Variants in TFEB observed in about 807,000 individuals in gnomAD.
The protein encoded by TFEB is transcription factor EB, also known as T-cell transcription factor EB.
TFEB carries 12 observed loss-of-function variants against 48.0 expected under a neutral mutation model. That is an observed-to-expected ratio of 0.25 (90% confidence interval 0.16 to 0.40). The LOEUF is 0.40. Ranked by LOEUF, TFEB falls within the 10% of genes least tolerant of loss-of-function variation. The pLI is 1.00. For synonymous variants in TFEB, 244 were observed against 261.4 expected, an observed-to-expected ratio of 0.93 and a Z score of 0.64; for missense variants, 509 against 640.3, an observed-to-expected ratio of 0.79 and a Z score of 2.21.
chr6:41,702,111 C>T (rs1769962227), intron 1 of TFEB, among the ~76,000 whole-genome samples: 1 of 152,066 alleles, frequency 6.6e-6, no homozygotes, highest in African/African-American at 2.4e-5. Context: ...ATGTAGATGG[C>T]TTGTTGTCCC....
Position 41,684,556 on chromosome 6 carries a change from C to G in TFEB, c.*43G>C. Reference sequence around the variant, plus strand: ...AGGGAGGTGCCCCTGGCCCTCCCAGCCCCCAGGCCGGCCCCTGTTCCCTGG... The same window carrying G: ...AGGGAGGTGCCCCTGGCCCTCCCAGGCCCCAGGCCGGCCCCTGTTCCCTGG... On this transcript the variant is annotated 3_prime_UTR_variant, in exon 9 of 9. Coordinates refer to ENST00000373033, the MANE Select transcript of TFEB (RefSeq NM_001271944.2). 6.7e-7 allele frequency: 1 copy of G among 1,503,164 alleles called. No individual in the cohort carries two copies. The highest frequency in any genetic ancestry group is 8.9e-7 in the Non-Finnish European group (1 of 1,128,184). 93.1% of individuals were successfully genotyped at this position (1,503,164 alleles called of 1,614,324 possible).
chr6:41,725,488 G>A (rs747475636), intron 1 of TFEB, among the ~76,000 whole-genome samples: 4 of 152,162 alleles, frequency 2.6e-5, no homozygotes, highest in Non-Finnish European at 5.9e-5. Context: ...CTGTGGTTCA[G>A]TACCCTCTGG....
chr6:41,724,842 C>T lies in TFEB; in HGVS notation c.-23+10508G>A, dbSNP rs940433758. Among the ~76,000 whole-genome samples the T allele has an allele frequency of 2.0e-5, 3 of 152,184 alleles. No homozygotes were observed. Among genetic ancestry groups the T allele is most frequent in the Non-Finnish European group, 2.9e-5 (2 of 68,032 alleles). On this transcript the variant is annotated intron_variant, in intron 1 of 8. Transcript: ENST00000373033. This position sits in a 1 kb window ranked among gnomAD's most constrained non-coding sequence, Gnocchi z 4.4. ...GGGAAGCGCCTCACAGCCCCTGCAG[C>T]AGCACGAACCAGGACTGAGGTTCAC...
rs532284511 is a variant in TFEB, at chr6:41,687,711, C to T, written c.727+42G>A. On this transcript the variant is annotated intron_variant, in intron 6 of 8. Coordinates refer to ENST00000373033, the MANE Select transcript of TFEB (RefSeq NM_001271944.2). ...GCTTTTTAGCCAGCCCAGGTGAGAACAAGGAAGAGGGAGGCAGGGAGAGGG... is the reference window on the plus strand; with the variant it reads ...GCTTTTTAGCCAGCCCAGGTGAGAATAAGGAAGAGGGAGGCAGGGAGAGGG... 26 of 1,613,294 alleles carry T rather than the reference C, an allele frequency of 1.6e-5. No individual in the cohort carries two copies. The East Asian group carries it at 5.3e-4, about 33-fold the overall frequency.
Position 41,693,126 on chromosome 6 carries a change from G to A in TFEB, c.-22-1891C>T, listed in dbSNP as rs567590551. Among the ~76,000 whole-genome samples, 7 of 152,304 alleles carry A rather than the reference G, an allele frequency of 4.6e-5. No homozygotes were observed. The East Asian group carries it at 1.3e-3, about 29-fold the overall frequency. On this transcript the variant is annotated intron_variant, in intron 1 of 8. Transcript: ENST00000373033. ...AGTGTGGACCAGAAGCCAGAGCTGT[G>A]TCTCAAGCTCCTAACAATGAGGCCC... is the stretch of plus-strand genomic sequence containing the variant.
intron 1 of TFEB, among the ~76,000 whole-genome samples, chr6:41,708,945 T>G (rs894398643): frequency 1.4e-4 from 21 of 152,088 alleles, no homozygotes; most frequent in Middle Eastern, 6.3e-3. Flanking sequence ...AGAGCTGGGA[T>G]GGTAGAGAGA....
chr6:41,687,984 G>A lies in TFEB; in HGVS notation c.594C>T (p.Pro198=). Residue 198 remains proline (P), a synonymous_variant, in exon 5 of 9, where the codon CCC becomes CCT. Coordinates refer to ENST00000373033, the MANE Select transcript of TFEB (RefSeq NM_001271944.2). ...CGCCCACCAGGGAGGCTGTGACCTG[G>A]GGGTCGCTGCTGTACACATTCAGGT... ...SSHLNVYSSD[P]QVTASLVGVT... The A allele has an allele frequency of 1.2e-6, 2 of 1,613,938 alleles. No homozygotes were observed. The highest frequency in any genetic ancestry group is 1.7e-4 in the Middle Eastern group (1 of 5,972).
intron 1 of TFEB, among the ~76,000 whole-genome samples, chr6:41,714,175 G>GTGTGTGTGCATGTGCATGCA (rs1195831228): frequency 4.0e-5 from 4 of 98,804 alleles, no homozygotes; most frequent in Admixed American, 9.5e-5. Flanking sequence ...GCATGTGTGC[G>GTGTGTGTGCATGTGCATGCA]TGTGTGTGCA....
At chr6:41,712,656 G>T (rs950178386) in intron 1 of TFEB, among the ~76,000 whole-genome samples, 1 of 152,210 alleles carries the variant, frequency 6.6e-6, no homozygotes, top group African/African-American at 2.4e-5. Flanking sequence ...ACTGGCAGGG[G>T]CTGCTGAGGA....
rs73420047 is a variant in TFEB, at chr6:41,687,194, A to G, written c.728-25T>C. 11,689 of 1,612,796 alleles carry G rather than the reference A, an allele frequency of 7.2e-3. 693 individuals are homozygous for G. The African/African-American group carries it at 0.13, about 18-fold the overall frequency. On this transcript the variant is annotated intron_variant, in intron 6 of 8. Transcript: ENST00000373033. ...ACTAAAGGTAACAGATTCCAGAAGG[A>G]GCAATTAGAGGGATGGGGACCCCCC... is the stretch of plus-strand genomic sequence containing the variant.
intron 1 of TFEB, among the ~76,000 whole-genome samples, chr6:41,718,764 A>C (rs565365357): frequency 6.6e-6 from 1 of 151,780 alleles, no homozygotes; most frequent in African/African-American, 2.4e-5. Context: ...ACCCTGGAAT[A>C]GATTTGGAGC....
At chr6:41,733,946 C>A (rs1269436439) in intron 1 of TFEB, 2 of 948,322 alleles carry the variant, frequency 2.1e-6, no homozygotes. Flanking sequence ...TCGGCCAGGG[C>A]GGGTGCAGGG....
chr6:41,697,218 G>A (rs1422573167), intron 1 of TFEB, among the ~76,000 whole-genome samples: 3 of 151,792 alleles, frequency 2.0e-5, no homozygotes, highest in Non-Finnish European at 4.4e-5. Context: ...GACCAGCCTG[G>A]GCAACACGGT....
chr6:41,685,210 A>G, intron 8 of TFEB, 132 bp from the exon 9 acceptor site: 1 of 1,179,974 alleles, frequency 8.5e-7, no homozygotes, highest in Non-Finnish European at 1.1e-6. Flanking sequence ...TTCCGCTGGA[A>G]GAAAGCATAG....
intron 1 of TFEB, among the ~76,000 whole-genome samples, chr6:41,702,365 G>T (rs985688565): frequency 1.3e-5 from 2 of 152,154 alleles, no homozygotes; most frequent in Non-Finnish European, 2.9e-5. Context: ...TATATGAGTT[G>T]GTCAGACAGA....
chr6:41,728,932 C>T (rs1438304921), intron 1 of TFEB, among the ~76,000 whole-genome samples: 1 of 152,020 alleles, frequency 6.6e-6, no homozygotes, highest in African/African-American at 2.4e-5. Context: ...GGGGCTCAAT[C>T]CCATTCTCTC....
At chr6:41,694,638 G>T (rs1386094990) in intron 1 of TFEB, among the ~76,000 whole-genome samples, 4 of 152,110 alleles carry the variant, frequency 2.6e-5, no homozygotes, top group Middle Eastern at 6.8e-3. Context: ...AATCCTGAGG[G>T]TCCACTCTCA....
At chr6:41,727,243 T>C (rs537163685) in intron 1 of TFEB, among the ~76,000 whole-genome samples, 2 of 152,208 alleles carry the variant, frequency 1.3e-5, no homozygotes, top group African/African-American at 4.8e-5. Flanking sequence ...TGGTCATCCT[T>C]TGAACACATC....
intron 1 of TFEB, among the ~76,000 whole-genome samples, chr6:41,695,232 T>C (rs1769516865): frequency 6.6e-6 from 1 of 152,194 alleles, no homozygotes; most frequent in Non-Finnish European, 1.5e-5. Context: ...TGGCAGTCGC[T>C]TCATAACCAG....
Sources: gnomAD v4.1 joint callset for allele counts (sites outside exome capture counted in the v4.1 genomes callset) on GRCh38, gnomAD v4.1.1 for gene constraint, Gnocchi (gnomAD v3.1) non-coding constraint, MANE v1.5 for transcripts, NCBI Gene and HGNC (gene_info 2026-07-23, HGNC 2026-07-21) for gene names.